PTPN6: variants seen among roughly 807,000 people sequenced by gnomAD.
PTPN6 encodes protein tyrosine phosphatase non-receptor type 6.
A neutral mutation model predicts 81.5 loss-of-function variants in PTPN6; 18 were observed. The ratio of observed to expected loss-of-function variants is 0.22; its 90% CI spans 0.15 to 0.33. The LOEUF is 0.33. Ranked by LOEUF, PTPN6 falls within the 10% of genes least tolerant of loss-of-function variation. The pLI is 1.00. For missense variants in PTPN6, 500 were observed against 794.2 expected (o/e 0.63, Z 4.45); for synonymous variants, 301 against 310.9 (o/e 0.97, Z 0.33).
Position 6,951,510 on chromosome 12 carries a change from A to G in PTPN6, c.-3A>G, listed in dbSNP as rs782174053. 20 of 1,613,652 alleles carry G rather than the reference A, an allele frequency of 1.2e-5. No homozygotes were observed. Among genetic ancestry groups the G allele is most frequent in the Non-Finnish European group, 1.6e-5 (19 of 1,179,882 alleles). ...GCCCCCTTCCTCTCCGGAAGCCCCCAGGATGGTGAGGTAAGGGCCTGCCAC... is the reference window on the plus strand; with the variant it reads ...GCCCCCTTCCTCTCCGGAAGCCCCCGGGATGGTGAGGTAAGGGCCTGCCAC... On this transcript the variant is annotated 5_prime_UTR_variant, in exon 1 of 16. Transcript: ENST00000318974. This position sits in a 1 kb window ranked among gnomAD's most constrained non-coding sequence, Gnocchi z 7.2.
In PTPN6 at chr12:6,956,515, CAGG is replaced by C. The variant is rs1555148728; in HGVS notation, c.1024_1026del (p.Glu342del). 1 of 1,613,954 alleles carries C rather than the reference CAGG, an allele frequency of 6.2e-7. No homozygotes were observed. Among genetic ancestry groups the C allele is most frequent in the Non-Finnish European group, 8.5e-7 (1 of 1,180,036 alleles). On this transcript the variant is annotated inframe_deletion, in exon 9 of 16. Coordinates refer to ENST00000318974, the MANE Select transcript of PTPN6 (RefSeq NM_002831.6). The surrounding 1 kb of genome is among the most constrained non-coding windows in gnomAD (Gnocchi z 4.1). ...CAATGACTTCTGGCAGATGGCGTGG[CAGG>C]AGAACAGCCGTGTCATCGTCATGAC...
At position 6,955,988 on chromosome 12, in the gene PTPN6, T is replaced by C. The variant is rs1946022809; in HGVS notation, c.845-154T>C. On this transcript the variant is annotated intron_variant, in intron 7 of 15. Transcript: ENST00000318974. The surrounding 1 kb of genome is among the most constrained non-coding windows in gnomAD (Gnocchi z 7.2). ...CTTGTGAACTCCCTCACTCCCTCCATACAGATGATCCCCCACCCCTGCTGC... is the reference window on the plus strand; with the variant it reads ...CTTGTGAACTCCCTCACTCCCTCCACACAGATGATCCCCCACCCCTGCTGC... 6.6e-6 allele frequency among the ~76,000 whole-genome samples: 1 copy of C among 151,456 alleles called. No individual in the cohort carries two copies. The highest frequency in any genetic ancestry group is 1.5e-5 in the Non-Finnish European group (1 of 67,858).
At position 6,960,552 on chromosome 12, in the gene PTPN6, C is replaced by T. The variant is rs2138286558; in HGVS notation, c.1673+117C>T. The T allele has an allele frequency of 7.0e-7, 1 of 1,431,886 alleles. No individual in the cohort carries two copies. Among genetic ancestry groups the T allele is most frequent in the Non-Finnish European group, 9.6e-7 (1 of 1,039,600 alleles). The allele number at this position is 1,431,886 out of a possible 1,614,324, so 88.7% of individuals were successfully genotyped here. On this transcript the variant is annotated intron_variant, in intron 14 of 15. Coordinates refer to ENST00000318974, the MANE Select transcript of PTPN6 (RefSeq NM_002831.6). The surrounding 1 kb of genome is among the most constrained non-coding windows in gnomAD (Gnocchi z 6.1). Reference sequence around the variant, plus strand: ...GGGGGGACCTGGCTTCAAGTTCAGGCTTGGTTCTCACCCCTTCTGTTCATA... The same window carrying T: ...GGGGGGACCTGGCTTCAAGTTCAGGTTTGGTTCTCACCCCTTCTGTTCATA...
At chr12:6,946,661 T>G (rs1296164814), upstream of PTPN6, 9 of 1,400,834 alleles carry the variant, frequency 6.4e-6, no homozygotes, top group Non-Finnish European at 9.1e-6. Context: ...TGTGCACAGC[T>G]GTGCCGCTGG....
chr12:6,950,734 C>A (rs782330613), upstream of PTPN6, among the ~76,000 whole-genome samples: 2 of 152,292 alleles, frequency 1.3e-5, no homozygotes, highest in Non-Finnish European at 1.5e-5. Flanking sequence ...AATCTCTGTT[C>A]TTTGAAGCCC....
chr12:6,960,522 C>A lies in PTPN6; in HGVS notation c.1673+87C>A. 2.0e-6 allele frequency: 3 copies of A among 1,476,546 alleles called. No homozygotes were observed. The highest frequency in any genetic ancestry group is 2.8e-6 in the Non-Finnish European group (3 of 1,074,896). 91.5% of individuals were successfully genotyped at this position (1,476,546 alleles called of 1,614,324 possible). A position where few individuals can be genotyped will look rare whatever the true frequency, so the allele number is the denominator to read the frequency against. ...CACTTTCTGGAGAGGACAAGTGTTG[C>A]AGCTGGGGGGACCTGGCTTCAAGTT... is the stretch of plus-strand genomic sequence containing the variant. On this transcript the variant is annotated intron_variant, in intron 14 of 15. Transcript: ENST00000318974. The surrounding 1 kb of genome is among the most constrained non-coding windows in gnomAD (Gnocchi z 6.1).
intron 3 of PTPN6, chr12:6,953,658 T>G (rs1945968127): frequency 6.6e-6 from 1 of 152,608 alleles, no homozygotes; most frequent in South Asian, 2.1e-4. Flanking sequence ...TGTCCCTCGG[T>G]GGCTCTGCGC....
At position 6,959,980 on chromosome 12, in the gene PTPN6, A is replaced by T; in HGVS notation, c.1415A>T (p.Asn472Ile). The change falls in exon 12 of 16, where the codon AAC becomes ATC. Residue 472 changes from asparagine to isoleucine, a missense_variant. This residue lies in a region of PTPN6 where 226 missense variants were observed against 364.4 expected (regional missense o/e 0.62). Transcript: ENST00000318974. The surrounding 1 kb of genome is among the most constrained non-coding windows in gnomAD (Gnocchi z 6.6). Reference protein sequence around the residue: ...TIIVIDMLMENISTKGLDCDI... With the variant: ...TIIVIDMLMEIISTKGLDCDI... ...ATTGTCATCGACATGCTCATGGAGA[A>T]CATCTCCACCAAGGGTGAGGGGCAC... 1 of 1,609,326 alleles carries T rather than the reference A, an allele frequency of 6.2e-7. No homozygotes were observed. Among genetic ancestry groups the T allele is most frequent in the Non-Finnish European group, 8.5e-7 (1 of 1,179,152 alleles).
Position 6,956,928 on chromosome 12 carries a change from G to A in PTPN6, c.1074+360G>A, listed in dbSNP as rs1179297585. On this transcript the variant is annotated intron_variant, in intron 9 of 15. Coordinates refer to ENST00000318974, the MANE Select transcript of PTPN6 (RefSeq NM_002831.6). This position sits in a 1 kb window ranked among gnomAD's most constrained non-coding sequence, Gnocchi z 4.1. ...CAGCACCCTCTGTGCTGCCATTGAA[G>A]TGATCCCATCCGTGACACAAACTGG... is the stretch of plus-strand genomic sequence containing the variant. 2.0e-5 allele frequency among the ~76,000 whole-genome samples: 3 copies of A among 152,112 alleles called. No individual in the cohort carries two copies. The highest frequency in any genetic ancestry group is 4.4e-5 in the Non-Finnish European group (3 of 68,028).
At chr12:6,947,825 G>A (rs1246791805), upstream of PTPN6, among the ~76,000 whole-genome samples, 1 of 152,176 alleles carries the variant, frequency 6.6e-6, no homozygotes, top group African/African-American at 2.4e-5. Context: ...AGCTGGCCAT[G>A]TGACGTAGTG....
rs1946083738 is a variant in PTPN6, at chr12:6,959,150, C to T, written c.1362-777C>T. Among the ~76,000 whole-genome samples, 1 of 152,232 alleles carries T rather than the reference C, an allele frequency of 6.6e-6. No homozygotes were observed. Among genetic ancestry groups the T allele is most frequent in the South Asian group, 2.1e-4 (1 of 4,838 alleles). ...CCCGATGGGCTGTCCGGGGACGCGG[C>T]TCTGTCCTGTGCTCTCTCAGGGACA... is the stretch of plus-strand genomic sequence containing the variant. On this transcript the variant is annotated intron_variant, in intron 11 of 15. Transcript: ENST00000318974. This position sits in a 1 kb window ranked among gnomAD's most constrained non-coding sequence, Gnocchi z 6.6.
rs782173800 is a variant in PTPN6 at position 6,959,880 on chromosome 12, C to T, written c.1362-47C>T. 26 of 1,602,982 alleles carry T rather than the reference C, an allele frequency of 1.6e-5. No homozygotes were observed. Among genetic ancestry groups the T allele is most frequent in the East Asian group, 2.2e-5 (1 of 44,852 alleles). On this transcript the variant is annotated intron_variant, in intron 11 of 15. Coordinates refer to ENST00000318974, the MANE Select transcript of PTPN6 (RefSeq NM_002831.6). This position sits in a 1 kb window ranked among gnomAD's most constrained non-coding sequence, Gnocchi z 6.6. Reference sequence around the variant, plus strand: ...GCTGAGCGCTGGGTACCCCCCTTCCCGGGGAGGGCTTGACTGGCCTCTGAT... The same window carrying T: ...GCTGAGCGCTGGGTACCCCCCTTCCTGGGGAGGGCTTGACTGGCCTCTGAT...
Position 6,956,461 on chromosome 12 carries a change from G to A in PTPN6, c.967G>A (p.Ala323Thr), listed in dbSNP as rs1555148710. The change falls in exon 9 of 16, where the codon GCC becomes ACC. Residue 323 changes from alanine to threonine, a missense_variant. Ala to Thr is a moderately conservative substitution (Grantham distance 58, BLOSUM62 0). This residue lies in a region of PTPN6 where 226 missense variants were observed against 364.4 expected (regional missense o/e 0.62). Transcript: ENST00000318974. The surrounding 1 kb of genome is among the most constrained non-coding windows in gnomAD (Gnocchi z 4.1). ...TGATGAGAACGCTAAGACCTACATC[G>A]CCAGCCAGGGTTGTCTGGAGGCCAC... ...GPDENAKTYI[A>T]SQGCLEATVN... 7.4e-6 allele frequency: 12 copies of A among 1,614,056 alleles called. No homozygotes were observed. The highest frequency in any genetic ancestry group is 1.0e-5 in the Non-Finnish European group (12 of 1,180,016).
In PTPN6 at chr12:6,951,959, G is replaced by A. The variant is rs915827428; in HGVS notation, c.132-24G>A. The A allele has an allele frequency of 5.0e-6, 8 of 1,612,362 alleles. No homozygotes were observed. The South Asian group carries it at 6.6e-5, about 13-fold the overall frequency. ...CCTGCCTCTACTCCTGCACCGACTGGCCTCACCGCCTGGTGCCCTGCAGGG... is the reference window on the plus strand; with the variant it reads ...CCTGCCTCTACTCCTGCACCGACTGACCTCACCGCCTGGTGCCCTGCAGGG... On this transcript the variant is annotated intron_variant, in intron 2 of 15. Coordinates refer to ENST00000318974, the MANE Select transcript of PTPN6 (RefSeq NM_002831.6). The surrounding 1 kb of genome is among the most constrained non-coding windows in gnomAD (Gnocchi z 7.2).
Position 6,951,740 on chromosome 12 carries a change from GC to G in PTPN6, c.131+15del. 1.2e-6 allele frequency: 2 copies of G among 1,610,680 alleles called. No individual in the cohort carries two copies. ...TTCTCGCTCTCCGTCAGGTAGGTGGGCCCCCCGCAACCCCGGGCATTTTGGC... is the reference window on the plus strand; with the variant it reads ...TTCTCGCTCTCCGTCAGGTAGGTGGGCCCCCGCAACCCCGGGCATTTTGGC... On this transcript the variant is annotated intron_variant, in intron 2 of 15. Transcript: ENST00000318974. This position sits in a 1 kb window ranked among gnomAD's most constrained non-coding sequence, Gnocchi z 7.2.
rs782342002 is a variant in PTPN6 at position 6,960,528 on chromosome 12, G to C, written c.1673+93G>C. 6.8e-7 allele frequency: 1 copy of C among 1,464,986 alleles called. No homozygotes were observed. The highest frequency in any genetic ancestry group is 1.2e-5 in the South Asian group (1 of 83,732). The allele number at this position is 1,464,986 out of a possible 1,614,324, so 90.7% of individuals were successfully genotyped here. On this transcript the variant is annotated intron_variant, in intron 14 of 15. Coordinates refer to ENST00000318974, the MANE Select transcript of PTPN6 (RefSeq NM_002831.6). The surrounding 1 kb of genome is among the most constrained non-coding windows in gnomAD (Gnocchi z 6.1). ...CTGGAGAGGACAAGTGTTGCAGCTG[G>C]GGGGACCTGGCTTCAAGTTCAGGCT...
chr12:6,951,284 A>T (rs1280468787), upstream of PTPN6: 1 of 1,450,544 alleles, frequency 6.9e-7, no homozygotes, highest in Non-Finnish European at 9.0e-7. This position sits in a 1 kb window ranked among gnomAD's most constrained non-coding sequence, Gnocchi z 7.2. Flanking sequence ...CTAAAACGAG[A>T]AGTACAAGTG....
upstream of PTPN6, among the ~76,000 whole-genome samples, chr12:6,950,808 C>T (rs1440637688): frequency 5.3e-5 from 8 of 152,184 alleles, no homozygotes; most frequent in African/African-American, 1.4e-4. Flanking sequence ...GGTTTGAATC[C>T]TGGCACTGCA....
At chr12:6,950,590 C>T (rs780542681), upstream of PTPN6, among the ~76,000 whole-genome samples, 175 of 152,266 alleles carry the variant, frequency 1.1e-3, no homozygotes, top group Middle Eastern at 3.4e-3. Context: ...GTTGTCCATC[C>T]CTCTGCCACA....
Sources: allele counts gnomAD v4.1 joint callset (sites outside exome capture counted in the v4.1 genomes callset), GRCh38; gene constraint gnomAD v4.1.1; regional missense constraint gnomAD v4.1.1; non-coding constraint Gnocchi (gnomAD v3.1); transcripts MANE v1.5; gene names NCBI Gene and HGNC (gene_info 2026-07-23, HGNC 2026-07-21).